VPS53: variants seen among roughly 807,000 people sequenced by gnomAD.
VPS53 encodes vacuolar protein sorting-associated protein 53 homolog.
A neutral mutation model predicts 107.0 loss-of-function variants in VPS53; 70 were observed. The ratio of observed to expected loss-of-function variants is 0.65; its 90% confidence interval spans 0.54 to 0.80. The LOEUF (loss-of-function observed/expected upper bound fraction) is 0.80, where lower values mean the gene tolerates loss of function less well. Ranked by LOEUF, VPS53 falls within the 30% of genes least tolerant of loss-of-function variation. The pLI is 0.00. For synonymous variants in VPS53, 409 were observed against 393.3 expected (o/e 1.04, Z -0.47); for missense variants, 917 against 1,049.4 (o/e 0.87, Z 1.74).
intron 11 of VPS53, among the ~76,000 whole-genome samples, chr17:607,401 A>G (rs1222746157): frequency 6.6e-6 from 1 of 152,166 alleles, no homozygotes; most frequent in Non-Finnish European, 1.5e-5. Context: ...CTGTTGATAA[A>G]AGTCCTAAAA....
At chr17:673,101 G>A (rs1422969472) in intron 4 of VPS53, among the ~76,000 whole-genome samples, 1 of 139,364 alleles carries the variant, frequency 7.2e-6, no homozygotes, top group African/African-American at 2.6e-5. Context: ...CACAGAGCAA[G>A]ATTCCGTCGC....
intron 15 of VPS53, among the ~76,000 whole-genome samples, chr17:558,693 T>G (rs1197598414): frequency 6.8e-6 from 1 of 146,530 alleles, no homozygotes; most frequent in African/African-American, 2.5e-5. Flanking sequence ...GCTAAATAAG[T>G]TATGGTACAA....
chr17:590,968 T>C (rs1173190940), intron 12 of VPS53, among the ~76,000 whole-genome samples: 2 of 152,032 alleles, frequency 1.3e-5, no homozygotes, highest in South Asian at 2.1e-4. Flanking sequence ...AGTTCCTCCT[T>C]GTACCTCTGG....
chr17:564,669 C>T (rs1404164544), intron 13 of VPS53, among the ~76,000 whole-genome samples: 1 of 151,714 alleles, frequency 6.6e-6, no homozygotes, highest in African/African-American at 2.4e-5. Flanking sequence ...GTGAGCCCAG[C>T]TCACACCACT....
At chr17:662,753 G>C (rs554531939) in intron 4 of VPS53, among the ~76,000 whole-genome samples, 53 of 55,228 alleles carry the variant, frequency 9.6e-4, no homozygotes, top group East Asian at 2.8e-3. Context: ...CAAAGAAAGA[G>C]AAAGAAAGAA....
chr17:661,915 T>G lies in VPS53; in HGVS notation c.286-20A>C, dbSNP rs1043571257. On this transcript the variant is annotated intron_variant, in intron 4 of 21. Coordinates refer to ENST00000437048, the MANE Select transcript of VPS53 (RefSeq NM_001128159.3). The stretch of plus-strand genomic sequence containing the variant: ...AAGCGCCTAGAGTAAGGGAAATACA[T>G]GAAAAACAAAAAGTGGCTAGAGACA... 3.2e-6 allele frequency: 5 copies of G among 1,545,236 alleles called. No individual in the cohort carries two copies. Among genetic ancestry groups the G allele is most frequent in the Non-Finnish European group, 4.4e-6 (5 of 1,143,798 alleles).
At chr17:598,478 G>A (rs1476843743) in intron 12 of VPS53, among the ~76,000 whole-genome samples, 1 of 151,752 alleles carries the variant, frequency 6.6e-6, no homozygotes. Flanking sequence ...AAAGTGAGGA[G>A]CGTCTCCGCC....
At chr17:708,090 T>C (rs1275408015) in intron 2 of VPS53, among the ~76,000 whole-genome samples, 1 of 152,146 alleles carries the variant, frequency 6.6e-6, no homozygotes, top group Non-Finnish European at 1.5e-5. Context: ...TTGTGGGTTT[T>C]CTCTTCGTGT....
At chr17:586,131 C>T in intron 13 of VPS53, 139 bp downstream of exon 13, 1 of 672,518 alleles carries the variant, frequency 1.5e-6, no homozygotes, top group Non-Finnish European at 2.6e-6. Context: ...TAAAAATACC[C>T]CTAATGGGTT....
chr17:539,010 T>C (rs1447458270), intron 17 of VPS53: 1 of 152,230 alleles, frequency 6.6e-6, no homozygotes, highest in Non-Finnish European at 1.5e-5. Context: ...ACAGGTGCTG[T>C]CAGCATTTCC....
chr17:539,833 A>G (rs189627643), intron 17 of VPS53, among the ~76,000 whole-genome samples: 45 of 152,282 alleles, frequency 3.0e-4, no homozygotes, highest in African/African-American at 8.9e-4. Flanking sequence ...TGATCTCACT[A>G]AGTTCTCACA....
chr17:638,826 T>G (rs1038225164), intron 7 of VPS53, among the ~76,000 whole-genome samples: 2 of 152,240 alleles, frequency 1.3e-5, no homozygotes, highest in Non-Finnish European at 2.9e-5. Flanking sequence ...TAACCTGACC[T>G]TTCTCTCTGA....
intron 13 of VPS53, among the ~76,000 whole-genome samples, chr17:569,309 G>T (rs1913830367): frequency 6.6e-6 from 1 of 152,192 alleles, no homozygotes; most frequent in Non-Finnish European, 1.5e-5. Flanking sequence ...ACGGTGTGCA[G>T]GTTATTAAAT....
chr17:535,408 C>T (rs749371665), intron 18 of VPS53, among the ~76,000 whole-genome samples: 2 of 135,274 alleles, frequency 1.5e-5, no homozygotes, highest in African/African-American at 2.5e-5. Flanking sequence ...GCTAAGTCAA[C>T]GGACTCCTCC....
At chr17:596,376 CCCTGCCCTTGATGACGTCCCACAGGT>C (rs960949014) in intron 12 of VPS53, among the ~76,000 whole-genome samples, 4 of 151,856 alleles carry the variant, frequency 2.6e-5, no homozygotes, top group African/African-American at 7.3e-5. Context: ...CTGCCACAGG[CCCTGCCCTTGATGACGTCCCACAGGT>C]CCTGCCCTTG....
intron 4 of VPS53, 69 bp downstream of exon 4, chr17:697,349 C>A: frequency 1.5e-6 from 2 of 1,298,546 alleles, no homozygotes. Flanking sequence ...GGCACATCGA[C>A]GTTTTGGTCA....
intron 4 of VPS53, among the ~76,000 whole-genome samples, chr17:684,560 A>G (rs975154768): frequency 6.6e-6 from 1 of 152,252 alleles, no homozygotes; most frequent in African/African-American, 2.4e-5. Flanking sequence ...AGACCTAAAT[A>G]TATGAAGAAA....
chr17:577,628 C>A (rs187592492), intron 13 of VPS53, among the ~76,000 whole-genome samples: 15 of 150,700 alleles, frequency 1.0e-4, no homozygotes, highest in Non-Finnish European at 2.1e-4. Flanking sequence ...TCAATGCGTT[C>A]CCAGAGAATC....
Position 519,962 on chromosome 17 carries a change from C to T in VPS53, c.2224-32G>A. On this transcript the variant is annotated intron_variant, in intron 20 of 21. Coordinates refer to ENST00000437048, the MANE Select transcript of VPS53 (RefSeq NM_001128159.3). The surrounding 1 kb of genome is among the most constrained non-coding windows in gnomAD (Gnocchi z 5.0). Reference sequence around the variant, plus strand: ...CGGGAGGAGACAGGAGCAAGCCCCTCAGGAAAACTACCACCACGGGAGGAG... The same window carrying T: ...CGGGAGGAGACAGGAGCAAGCCCCTTAGGAAAACTACCACCACGGGAGGAG... 2 of 1,471,012 alleles carry T rather than the reference C, an allele frequency of 1.4e-6. No homozygotes were observed. The highest frequency in any genetic ancestry group is 1.4e-5 in the African/African-American group (1 of 71,444). The allele number at this position is 1,471,012 out of a possible 1,614,324, so 91.1% of individuals were successfully genotyped here. A position where few individuals can be genotyped will look rare whatever the true frequency, so the allele number is the denominator to read the frequency against.
Sources: gnomAD v4.1 joint callset for allele counts (sites outside exome capture counted in the v4.1 genomes callset) on GRCh38, gnomAD v4.1.1 for gene constraint, Gnocchi (gnomAD v3.1) non-coding constraint, MANE v1.5 for transcripts, NCBI Gene and HGNC (gene_info 2026-07-23, HGNC 2026-07-21) for gene names.